The following CYP4X1 variants were observed in gnomAD, a reference collection of about 807,000 sequenced individuals.
CYP4X1 encodes cytochrome P450 4X1.
CYP4X1 carries 44 observed loss-of-function variants against 57.9 expected under a neutral mutation model. That is an observed-to-expected ratio of 0.76 (90% CI 0.60 to 0.98). CYP4X1 has a LOEUF of 0.98. CYP4X1 is among the 50% of genes least tolerant of loss of function. The probability of loss-of-function intolerance (pLI) is 0.00; values close to 1 mark genes in which losing one functional copy is unlikely to be tolerated. For missense variants in CYP4X1, 532 were observed against 623.9 expected (o/e 0.85, Z 1.57); for synonymous variants, 227 against 228.6 (o/e 0.99, Z 0.06).
chr1:47,023,957 C>T lies in CYP4X1; in HGVS notation c.140C>T (p.Pro47Leu), dbSNP rs781480815. The T allele has an allele frequency of 1.2e-6, 2 of 1,613,080 alleles. No individual in the cohort carries two copies. The highest frequency in any genetic ancestry group is 1.3e-5 in the African/African-American group (1 of 74,932). Residue 47 changes from proline to leucine, a missense_variant, in exon 1 of 12, where the codon CCA becomes CTA. Transcript: ENST00000371901. Reference sequence around the variant, plus strand: ...CTGCTGCGGGACCTGCGCCCCTTCCCAGCGCCCCCCACCCACTGGTTCCTT... The same window carrying T: ...CTGCTGCGGGACCTGCGCCCCTTCCTAGCGCCCCCCACCCACTGGTTCCTT... ...QRLLRDLRPF[P>L]APPTHWFLGH... is the part of the protein sequence containing the mutation.
chr1:46,965,933 C>T, the CYP4X1 span, among the ~76,000 whole-genome samples: 1 of 152,232 alleles, frequency 6.6e-6, no homozygotes, highest in African/African-American at 2.4e-5. Context: ...GGAGATCTCA[C>T]TCAGTGAGAA....
rs1644302711 is a variant in CYP4X1 at position 47,046,459 on chromosome 1, C to G, written c.1074-8C>G. On this transcript the variant is annotated splice_region_variant and splice_polypyrimidine_tract_variant and intron_variant, in intron 8 of 11. Coordinates refer to ENST00000371901, the MANE Select transcript of CYP4X1 (RefSeq NM_178033.2). ...TATCTGAGTCCCTTCCCTCCCTCAT[C>G]CTCACAGGGACCAGCTGGGTGAGAT... The G allele has an allele frequency of 1.1e-5, 17 of 1,613,868 alleles. No individual in the cohort carries two copies. Among genetic ancestry groups the G allele is most frequent in the Non-Finnish European group, 1.4e-5 (17 of 1,179,924 alleles).
the CYP4X1 span, among the ~76,000 whole-genome samples, chr1:46,969,912 G>A: frequency 6.6e-6 from 1 of 152,222 alleles, no homozygotes; most frequent in Non-Finnish European, 1.5e-5. Context: ...ACATTACTAT[G>A]TAGTGAAAAT....
chr1:46,981,931 A>G, the CYP4X1 span, among the ~76,000 whole-genome samples: 1 of 152,214 alleles, frequency 6.6e-6, no homozygotes, highest in Non-Finnish European at 1.5e-5. Flanking sequence ...GAATTGAACT[A>G]TGAGAACACT....
chr1:46,969,645 T>C, the CYP4X1 span, among the ~76,000 whole-genome samples: 1 of 152,232 alleles, frequency 6.6e-6, no homozygotes, highest in African/African-American at 2.4e-5. Context: ...CCTGCAGTCT[T>C]TGAAGATTTC....
chr1:47,008,032 A>G, the CYP4X1 span, among the ~76,000 whole-genome samples: 1 of 152,224 alleles, frequency 6.6e-6, no homozygotes, highest in Non-Finnish European at 1.5e-5. Flanking sequence ...TCCCCAATCT[A>G]GCAAGGCAGG....
Position 47,027,174 on chromosome 1 carries a change from G to GT in CYP4X1, c.178-2805dup, listed in dbSNP as rs372114320. On this transcript the variant is annotated intron_variant, in intron 1 of 11. Transcript: ENST00000371901. Reference sequence around the variant, plus strand: ...CACATTCCCTCTTGACTGTCACTAAGTTTTTTTTTTTCTGTTTTTGAGAGG... The same window carrying GT: ...CACATTCCCTCTTGACTGTCACTAAGTTTTTTTTTTTTCTGTTTTTGAGAGG... Among the ~76,000 whole-genome samples, 911 of 147,282 alleles carry GT rather than the reference G, an allele frequency of 6.2e-3. 2 individuals carry two copies. The highest frequency in any genetic ancestry group is 0.017 in the African/African-American group (691 of 40,484).
At chr1:46,964,292 G>A in the CYP4X1 span, among the ~76,000 whole-genome samples, 16 of 152,298 alleles carry the variant, frequency 1.1e-4, no homozygotes, top group South Asian at 4.1e-4. Context: ...GAGAAGCTGC[G>A]TTCCTTTGGA....
At chr1:46,976,686 A>G in the CYP4X1 span, among the ~76,000 whole-genome samples, 3 of 152,174 alleles carry the variant, frequency 2.0e-5, no homozygotes, top group African/African-American at 7.2e-5. Context: ...ACTGGGAGAC[A>G]TCTCCCACTA....
At chr1:47,014,547 T>G in the CYP4X1 span, among the ~76,000 whole-genome samples, 1 of 152,356 alleles carries the variant, frequency 6.6e-6, no homozygotes, top group Non-Finnish European at 1.5e-5. Flanking sequence ...CCCACTTTAT[T>G]TTGATTTCTG....
chr1:47,022,815 T>C (rs373268668), upstream of CYP4X1, among the ~76,000 whole-genome samples: 21 of 152,216 alleles, frequency 1.4e-4, no homozygotes, highest in African/African-American at 5.1e-4. Flanking sequence ...AATGAATAAA[T>C]AAATGAATGA....
upstream of CYP4X1, among the ~76,000 whole-genome samples, chr1:47,021,754 G>A (rs77398834): frequency 2.0e-5 from 3 of 152,218 alleles, no homozygotes; most frequent in Non-Finnish European, 2.9e-5. Flanking sequence ...TAACTGCATA[G>A]AACTGTCCAA....
At chr1:46,966,159 G>A in the CYP4X1 span, among the ~76,000 whole-genome samples, 5 of 152,240 alleles carry the variant, frequency 3.3e-5, no homozygotes, top group Non-Finnish European at 5.9e-5. Context: ...GCTGCTGTTG[G>A]TTGGCTAGAA....
the CYP4X1 span, among the ~76,000 whole-genome samples, chr1:46,964,725 C>T: frequency 6.6e-6 from 1 of 152,246 alleles, no homozygotes; most frequent in Non-Finnish European, 1.5e-5. Flanking sequence ...GTTCTCAGAT[C>T]TCCAGCTGCA....
At chr1:46,983,304 G>A in the CYP4X1 span, among the ~76,000 whole-genome samples, 3 of 152,144 alleles carry the variant, frequency 2.0e-5, no homozygotes, top group African/African-American at 7.2e-5. Context: ...CATTGTGGAT[G>A]CTAGCCAAGG....
the CYP4X1 span, among the ~76,000 whole-genome samples, chr1:46,982,742 C>T: frequency 2.0e-5 from 3 of 152,224 alleles, no homozygotes; most frequent in Non-Finnish European, 2.9e-5. Context: ...TATTTCCTCA[C>T]ATCTGCAGCT....
At chr1:46,977,052 C>A in the CYP4X1 span, among the ~76,000 whole-genome samples, 1 of 152,218 alleles carries the variant, frequency 6.6e-6, no homozygotes, top group Non-Finnish European at 1.5e-5. Flanking sequence ...TTCTAAAAAC[C>A]AGGGCACCTC....
downstream of CYP4X1, among the ~76,000 whole-genome samples, chr1:47,054,998 A>T (rs958461531): frequency 1.5e-4 from 23 of 152,158 alleles, no homozygotes; most frequent in African/African-American, 5.6e-4. Flanking sequence ...GTCTTGTGCC[A>T]GTTTTCAAAG....
At chr1:47,051,933 A>G (rs1487873544), downstream of CYP4X1, among the ~76,000 whole-genome samples, 1 of 152,184 alleles carries the variant, frequency 6.6e-6, no homozygotes, top group African/African-American at 2.4e-5. Flanking sequence ...CTTTAAAAGC[A>G]TGCATGATAA....
Sources: allele counts gnomAD v4.1 joint callset (sites outside exome capture counted in the v4.1 genomes callset), GRCh38; gene constraint gnomAD v4.1.1; transcripts MANE v1.5; gene names NCBI Gene and HGNC (gene_info 2026-07-23, HGNC 2026-07-21).